RMP64: variants seen among roughly 807,000 people sequenced by gnomAD.
RMP64 encodes the protein nucleolus and neural progenitor protein.
At chr3:113,014,144 A>C in the RMP64 span, 8 of 671,122 alleles carry the variant, frequency 1.2e-5, no homozygotes, top group Non-Finnish European at 2.1e-5. Context: ...AATATGCTAA[A>C]TATCACAGAA....
the RMP64 span, chr3:113,005,567 A>AT: frequency 1.2e-6 from 2 of 1,613,158 alleles, no homozygotes; most frequent in Non-Finnish European, 1.7e-6. Flanking sequence ...AATATCATCA[A>AT]TGTCATCTGT....
chr3:113,008,420 A>G, the RMP64 span: 2 of 1,610,136 alleles, frequency 1.2e-6, no homozygotes, highest in African/African-American at 1.3e-5. Context: ...TTTAAAATCA[A>G]AACTGGTCTC....
At chr3:113,013,879 A>T in the RMP64 span, 1 of 1,066,582 alleles carries the variant, frequency 9.4e-7, no homozygotes, top group Non-Finnish European at 1.5e-6. Flanking sequence ...AAGCATAGAG[A>T]AATCCAAAGG....
the RMP64 span, chr3:113,011,544 C>T: frequency 1.5e-5 from 10 of 649,718 alleles, no homozygotes; most frequent in East Asian, 1.3e-4. Flanking sequence ...ATAGTGCACA[C>T]TTGCGAACAG....
At chr3:113,012,878 AATGAAGAAATAT>A in the RMP64 span, 1 of 921,796 alleles carries the variant, frequency 1.1e-6, no homozygotes, top group Non-Finnish European at 1.8e-6. Flanking sequence ...TACAATCATG[AATGAAGAAATAT>A]ATTGGAAGTA....
chr3:113,011,294 A>G, the RMP64 span: 1 of 1,613,786 alleles, frequency 6.2e-7, no homozygotes, highest in Admixed American at 1.7e-5. Context: ...TCAGAAGGAA[A>G]GGTAAAATCT....
chr3:113,015,702 G>C, the RMP64 span, among the ~76,000 whole-genome samples: 5 of 152,140 alleles, frequency 3.3e-5, no homozygotes, highest in African/African-American at 1.2e-4. Flanking sequence ...AGTAGTAGAA[G>C]TGGTAATAGC....
chr3:113,017,097 C>G, the RMP64 span, among the ~76,000 whole-genome samples: 1 of 152,104 alleles, frequency 6.6e-6, no homozygotes, highest in African/African-American at 2.4e-5. Flanking sequence ...GGAACTGTTT[C>G]TTAATGTCCA....
chr3:113,009,659 CTA>C, the RMP64 span: 1 of 152,232 alleles, frequency 6.6e-6, no homozygotes, highest in African/African-American at 2.4e-5. Flanking sequence ...CATTTATTCA[CTA>C]TGTGGCCTGG....
chr3:113,011,468 A>C, the RMP64 span: 1 of 1,409,046 alleles, frequency 7.1e-7, no homozygotes, highest in Non-Finnish European at 9.6e-7. Flanking sequence ...ATTACATAAT[A>C]AACTGCAAGA....
the RMP64 span, among the ~76,000 whole-genome samples, chr3:113,014,196 C>CA: frequency 6.6e-6 from 1 of 152,134 alleles, no homozygotes; most frequent in East Asian, 1.9e-4. Flanking sequence ...AAAGCGCAAG[C>CA]AATTGCTTCT....
the RMP64 span, chr3:113,003,996 T>C: frequency 6.6e-6 from 1 of 152,228 alleles, no homozygotes; most frequent in African/African-American, 2.4e-5. Context: ...GTTCTCTTAC[T>C]AATTTACCTT....
At chr3:113,004,629 C>T in the RMP64 span, 1 of 152,154 alleles carries the variant, frequency 6.6e-6, no homozygotes, top group Non-Finnish European at 1.5e-5. Context: ...AAGATACCTA[C>T]CTCAAACTTC....
the RMP64 span, chr3:113,010,713 G>C: frequency 6.2e-7 from 1 of 1,610,506 alleles, no homozygotes. Flanking sequence ...TTCTGTGGAG[G>C]TGGAAAAATT....
chr3:113,008,241 G>A, the RMP64 span: 1 of 1,614,002 alleles, frequency 6.2e-7, no homozygotes, highest in African/African-American at 1.3e-5. Context: ...AAAATGGCCT[G>A]AGCCTTGAGT....
the RMP64 span, chr3:113,019,407 C>A: frequency 1.5e-6 from 1 of 679,666 alleles, no homozygotes; most frequent in Non-Finnish European, 2.5e-6. Context: ...CCGCTCGACC[C>A]CTACGTGCCC....
chr3:113,008,991 G>A, the RMP64 span, among the ~76,000 whole-genome samples: 6 of 152,126 alleles, frequency 3.9e-5, no homozygotes, highest in Admixed American at 6.5e-5. Context: ...ACTTATTTCC[G>A]TATCCTGGGC....
At chr3:113,011,164 G>T in the RMP64 span, 2 of 1,613,482 alleles carry the variant, frequency 1.2e-6, no homozygotes, top group South Asian at 1.1e-5. Flanking sequence ...GGCTCTTGGT[G>T]ACTGCTCATT....
the RMP64 span, chr3:113,005,517 C>T: frequency 6.8e-7 from 1 of 1,477,586 alleles, no homozygotes; most frequent in Non-Finnish European, 9.5e-7. Flanking sequence ...ACTTAAAAGT[C>T]TCACATATGA....
Sources: allele counts gnomAD v4.1 joint callset (sites outside exome capture counted in the v4.1 genomes callset), GRCh38; gene constraint gnomAD v4.1.1; transcripts MANE v1.5; gene names NCBI Gene and HGNC (gene_info 2026-07-23, HGNC 2026-07-21).